Variants in SPAG16 observed in about 807,000 individuals in gnomAD.
The protein encoded by SPAG16 is sperm associated antigen 16.
A neutral mutation model predicts 80.4 loss-of-function variants in SPAG16; 86 were observed. The ratio of observed to expected loss-of-function variants is 1.07; its 90% CI spans 0.90 to 1.28. SPAG16 has a LOEUF of 1.28. SPAG16 is among the 50% of genes most tolerant of loss of function. The pLI, the probability that SPAG16 is intolerant of heterozygous loss-of-function variation, is 0.00. For synonymous variants in SPAG16, 294 were observed against 265.9 expected (o/e 1.11, Z -1.03); for missense variants, 870 against 765.3 (o/e 1.14, Z -1.61).
chr2:213,340,002 A>G (rs1383656547), intron 5 of SPAG16, among the ~76,000 whole-genome samples, 161 bp from the exon 6 acceptor site: 1 of 152,188 alleles, frequency 6.6e-6, no homozygotes, highest in African/African-American at 2.4e-5. Flanking sequence ...ATATGACCTT[A>G]TACAAATTAT....
At chr2:213,833,507 TATATA>T (rs1245448412) in intron 10 of SPAG16, among the ~76,000 whole-genome samples, 165 of 2,264 alleles carry the variant, frequency 0.073, 52 homozygotes, top group Admixed American at 0.13. Context: ...ATATATATTA[TATATA>T]ATATATATAA....
At chr2:213,734,123 A>T (rs2067183569) in intron 10 of SPAG16, among the ~76,000 whole-genome samples, 2 of 152,166 alleles carry the variant, frequency 1.3e-5, no homozygotes. Context: ...TGTGGCGTGC[A>T]TTTATGCCCC....
chr2:213,882,902 G>A (rs1177599358), intron 11 of SPAG16, among the ~76,000 whole-genome samples: 7 of 151,614 alleles, frequency 4.6e-5, no homozygotes, highest in Admixed American at 6.6e-5. Context: ...ACGGAGTCTC[G>A]CTCCTCTTCT....
intron 12 of SPAG16, among the ~76,000 whole-genome samples, chr2:213,962,445 G>T (rs928633862): frequency 6.6e-6 from 1 of 151,998 alleles, no homozygotes; most frequent in African/African-American, 2.4e-5. Context: ...TTGGCCTCCC[G>T]AAGTGCTGGG....
chr2:213,945,180 G>A (rs1247488761), intron 12 of SPAG16, among the ~76,000 whole-genome samples: 1 of 149,884 alleles, frequency 6.7e-6, no homozygotes, highest in Non-Finnish European at 1.5e-5. Context: ...GTATATATAT[G>A]TATATATATC....
At chr2:213,284,668 G>A (rs767283842) in intron 1 of SPAG16, 49 bp downstream of exon 1, 6 of 1,570,542 alleles carry the variant, frequency 3.8e-6, no homozygotes, top group African/African-American at 1.4e-5. Context: ...GGTAATGGGT[G>A]TTGGGACGAA....
chr2:213,935,964 A>G (rs923192067), intron 12 of SPAG16, among the ~76,000 whole-genome samples: 5 of 152,184 alleles, frequency 3.3e-5, no homozygotes, highest in African/African-American at 1.2e-4. Context: ...TAATAATTAC[A>G]TATAATATTT....
At chr2:213,540,029 A>ATTTTTTTTTTTTTT in intron 10 of SPAG16, among the ~76,000 whole-genome samples, 1 of 110,816 alleles carries the variant, frequency 9.0e-6, no homozygotes. Flanking sequence ...ATATTTCTTA[A>ATTTTTTTTTTTTTT]TTTTTTTTTT....
At chr2:214,245,063 A>G (rs1576583891) in intron 15 of SPAG16, among the ~76,000 whole-genome samples, 1 of 152,086 alleles carries the variant, frequency 6.6e-6, no homozygotes, top group Non-Finnish European at 1.5e-5. Context: ...TTGAATTACT[A>G]TTGTCTGAAT....
intron 15 of SPAG16, among the ~76,000 whole-genome samples, chr2:214,351,110 T>C (rs1168905586): frequency 2.6e-5 from 4 of 152,146 alleles, no homozygotes; most frequent in East Asian, 1.9e-4. Context: ...TACACTAGAA[T>C]AGATTTTATT....
intron 10 of SPAG16, among the ~76,000 whole-genome samples, chr2:213,810,771 T>C (rs1387858173): frequency 6.6e-6 from 1 of 152,202 alleles, no homozygotes; most frequent in African/African-American, 2.4e-5. Flanking sequence ...CTAGCTCAAA[T>C]ATTTTGATAT....
intron 10 of SPAG16, among the ~76,000 whole-genome samples, chr2:213,586,877 G>C (rs1047915415): frequency 6.6e-6 from 1 of 152,208 alleles, no homozygotes; most frequent in Non-Finnish European, 1.5e-5. Flanking sequence ...AATAATCTTT[G>C]ACTTGAGGAT....
intron 12 of SPAG16, among the ~76,000 whole-genome samples, chr2:213,930,665 A>G (rs566419603): frequency 3.1e-4 from 47 of 152,348 alleles, no homozygotes; most frequent in Non-Finnish European, 5.3e-4. Context: ...TATACATATC[A>G]TGTGGATTTG....
At chr2:213,466,559 A>G (rs1403606896) in intron 9 of SPAG16, among the ~76,000 whole-genome samples, 2 of 152,122 alleles carry the variant, frequency 1.3e-5, no homozygotes, top group Admixed American at 6.6e-5. Flanking sequence ...GAGGAGGGGA[A>G]AGTAGGAGAT....
intron 10 of SPAG16, among the ~76,000 whole-genome samples, chr2:213,766,395 A>G (rs1409880311): frequency 1.3e-5 from 2 of 152,224 alleles, no homozygotes; most frequent in Non-Finnish European, 2.9e-5. Flanking sequence ...ATTAAATTAT[A>G]TCTTAATAAA....
At chr2:213,520,690 C>G (rs1370983307) in intron 10 of SPAG16, among the ~76,000 whole-genome samples, 1 of 152,230 alleles carries the variant, frequency 6.6e-6, no homozygotes, top group Non-Finnish European at 1.5e-5. Context: ...TCTAATTGCT[C>G]TGTTCATAAA....
At chr2:214,316,194 T>C (rs1207310345) in intron 15 of SPAG16, among the ~76,000 whole-genome samples, 1 of 151,866 alleles carries the variant, frequency 6.6e-6, no homozygotes, top group Non-Finnish European at 1.5e-5. Flanking sequence ...TCAAGTGTCT[T>C]AATAAGTAAG....
At chr2:213,828,690 A>G (rs549610130) in intron 10 of SPAG16, among the ~76,000 whole-genome samples, 1 of 152,282 alleles carries the variant, frequency 6.6e-6, no homozygotes, top group Non-Finnish European at 1.5e-5. Flanking sequence ...GTATTTGAAG[A>G]GGCTTTGGTG....
intron 12 of SPAG16, among the ~76,000 whole-genome samples, chr2:213,961,923 C>T (rs1406474459): frequency 6.6e-6 from 1 of 151,746 alleles, no homozygotes; most frequent in Non-Finnish European, 1.5e-5. Flanking sequence ...ATTCCTTCCT[C>T]TTGTATTTTT....
Sources: gnomAD v4.1 joint callset for allele counts (sites outside exome capture counted in the v4.1 genomes callset) on GRCh38, gnomAD v4.1.1 for gene constraint, MANE v1.5 for transcripts, NCBI Gene and HGNC (gene_info 2026-07-23, HGNC 2026-07-21) for gene names.